The following CFAP74 variants were observed in gnomAD, a reference collection of about 807,000 sequenced individuals.
The protein encoded by CFAP74 is cilia and flagella associated protein 74.
Under a neutral mutation model 188.9 loss-of-function variants are expected in CFAP74, and 124 were observed. The observed-to-expected ratio is 0.66, with a 90% CI of 0.57 to 0.76. CFAP74 has a LOEUF of 0.76. CFAP74 is among the 30% of genes least tolerant of loss of function. CFAP74 has a pLI of 0.00. For synonymous variants in CFAP74, 956 were observed against 916.7 expected (o/e 1.04, Z -0.77); for missense variants, 2,198 against 2,165.2 (o/e 1.02, Z -0.30).
intron 14 of CFAP74, among the ~76,000 whole-genome samples, chr1:1,963,437 A>G (rs1438701494): frequency 4.4e-5 from 6 of 136,624 alleles, no homozygotes; most frequent in Non-Finnish European, 9.3e-5. Context: ...AGCCTGGGCG[A>G]CAGAGCAAGA....
chr1:1,956,588 C>T, intron 17 of CFAP74, 32 bp downstream of exon 17: 1 of 1,612,978 alleles, frequency 6.2e-7, no homozygotes, highest in East Asian at 2.2e-5. Context: ...GGCAGGTCCC[C>T]ACACTCCCCC....
At chr1:1,979,910 T>C (rs13303009) in intron 6 of CFAP74, among the ~76,000 whole-genome samples, 5 of 66,912 alleles carry the variant, frequency 7.5e-5, no homozygotes, top group Non-Finnish European at 1.4e-4. Context: ...CATGGGAAGG[T>C]GTCACGTGAC....
At chr1:1,993,700 C>T (rs1289278300) in intron 1 of CFAP74, among the ~76,000 whole-genome samples, 1 of 1,552 alleles carries the variant, frequency 6.4e-4, no homozygotes. Flanking sequence ...GCTTATAAAT[C>T]AGCAGGGCAC....
chr1:1,932,891 CTT>C (rs1386467993), intron 25 of CFAP74, among the ~76,000 whole-genome samples: 3 of 134,686 alleles, frequency 2.2e-5, no homozygotes, highest in Non-Finnish European at 1.6e-5. Flanking sequence ...TGTGCCCGAC[CTT>C]TTTTTTTTTT....
intron 25 of CFAP74, among the ~76,000 whole-genome samples, chr1:1,935,700 TAAC>T (rs1652843839): frequency 6.6e-6 from 1 of 151,976 alleles, no homozygotes; most frequent in South Asian, 2.1e-4. Flanking sequence ...TTTGTTTCTG[TAAC>T]AACAAAGAGA....
At chr1:1,988,106 G>A (rs771892800) in intron 4 of CFAP74, 9 of 472,696 alleles carry the variant, frequency 1.9e-5, no homozygotes, top group Middle Eastern at 3.2e-4. Context: ...ACCACTCTCC[G>A]CTGAATGTTT....
intron 18 of CFAP74, among the ~76,000 whole-genome samples, chr1:1,949,138 TCCCTC>T (rs1654045845): frequency 5.2e-5 from 1 of 19,340 alleles, no homozygotes; most frequent in African/African-American, 2.0e-4. Context: ...CCTCCCTCCC[TCCCTC>T]CCTTCCTTCC....
rs1214190743 is a variant in CFAP74 at position 1,932,066 on chromosome 1, C to CAAAA, written c.3012-1734_3012-1731dup. Among the ~76,000 whole-genome samples the CAAAA allele has an allele frequency of 3.0e-3, 147 of 49,316 alleles. 3 individuals are homozygous for CAAAA. Among genetic ancestry groups the CAAAA allele is most frequent in the African/African-American group, 0.012 (133 of 10,996 alleles). 32.4% of individuals were successfully genotyped at this position (49,316 alleles called of 152,430 possible). A position where few individuals can be genotyped will look rare whatever the true frequency, so the allele number is the denominator to read the frequency against. On this transcript the variant is annotated intron_variant, in intron 25 of 38. Coordinates refer to ENST00000682832, the MANE Select transcript of CFAP74 (RefSeq NM_001304360.2). The stretch of plus-strand genomic sequence containing the variant: ...GGGTGACAGAGTGAGACTCTCGCCT[C>CAAAA]AAAAAAAAAAAAACAAAAAACAAAA...
At chr1:1,989,522 G>A (rs546300640) in intron 2 of CFAP74, among the ~76,000 whole-genome samples, 12 of 152,280 alleles carry the variant, frequency 7.9e-5, no homozygotes, top group East Asian at 3.9e-4. Context: ...GTGCGGTGGC[G>A]TGATCTTGGC....
At position 1,968,912 on chromosome 1, in the gene CFAP74, C is replaced by A; in HGVS notation, c.1047-79G>T. The A allele has an allele frequency of 7.2e-7, 1 of 1,393,544 alleles. No individual in the cohort carries two copies. Among genetic ancestry groups the A allele is most frequent in the Admixed American group, 1.8e-5 (1 of 55,354 alleles). 86.3% of individuals were successfully genotyped at this position (1,393,544 alleles called of 1,614,324 possible). On this transcript the variant is annotated intron_variant, in intron 10 of 38. Transcript: ENST00000682832. This position sits in a 1 kb window ranked among gnomAD's most constrained non-coding sequence, Gnocchi z 4.3. Reference sequence around the variant, plus strand: ...CCCCAGATGAGACAGTGCCCGGCGGCCCCTCCCTAGCGCCCTCCTGGGGGC... The same window carrying A: ...CCCCAGATGAGACAGTGCCCGGCGGACCCTCCCTAGCGCCCTCCTGGGGGC...
intron 27 of CFAP74, 70 bp from the exon 28 acceptor site, chr1:1,927,816 C>A: frequency 6.7e-7 from 1 of 1,487,488 alleles, no homozygotes; most frequent in Non-Finnish European, 9.0e-7. Context: ...CCCGTGGCTC[C>A]TCTGCGGCCA....
rs1655679839 is a variant in CFAP74 at position 1,968,922 on chromosome 1, GCGCCCTCC to G, written c.1047-97_1047-90del. On this transcript the variant is annotated intron_variant, in intron 10 of 38. Transcript: ENST00000682832. The surrounding 1 kb of genome is among the most constrained non-coding windows in gnomAD (Gnocchi z 4.3). ...GACAGTGCCCGGCGGCCCCTCCCTA[GCGCCCTCC>G]TGGGGGCTCCGGTCCTGCCCAGCAG... 18 of 1,239,890 alleles carry G rather than the reference GCGCCCTCC, an allele frequency of 1.5e-5. No homozygotes were observed. The highest frequency in any genetic ancestry group is 4.0e-5 in the South Asian group (3 of 75,636). 76.8% of individuals were successfully genotyped at this position (1,239,890 alleles called of 1,614,324 possible).
In CFAP74 at chr1:1,975,052, G is replaced by T. The variant is rs553378464; in HGVS notation, c.501-854C>A. On this transcript the variant is annotated intron_variant, in intron 6 of 38. Coordinates refer to ENST00000682832, the MANE Select transcript of CFAP74 (RefSeq NM_001304360.2). The surrounding 1 kb of genome is among the most constrained non-coding windows in gnomAD (Gnocchi z 4.5). ...ATCAGAACCCTGGACAAGGTCAGAC[G>T]CAGGCGTTGAGCCGGCATCCTCACT... is the stretch of plus-strand genomic sequence containing the variant. Among the ~76,000 whole-genome samples, 31 of 152,338 alleles carry T rather than the reference G, an allele frequency of 2.0e-4. No homozygotes were observed. Among genetic ancestry groups the T allele is most frequent in the African/African-American group, 7.0e-4 (29 of 41,582 alleles).
At chr1:1,963,588 C>CCTTG (rs1448770230) in intron 14 of CFAP74, among the ~76,000 whole-genome samples, 161 bp downstream of exon 14, 2 of 151,426 alleles carry the variant, frequency 1.3e-5, no homozygotes, top group Non-Finnish European at 1.5e-5. Context: ...GACTTTGACA[C>CCTTG]AAGAAGACAG....
chr1:1,968,916 T>G lies in CFAP74; in HGVS notation c.1047-83A>C. The stretch of plus-strand genomic sequence containing the variant: ...AGATGAGACAGTGCCCGGCGGCCCC[T>G]CCCTAGCGCCCTCCTGGGGGCTCCG... On this transcript the variant is annotated intron_variant, in intron 10 of 38. Coordinates refer to ENST00000682832, the MANE Select transcript of CFAP74 (RefSeq NM_001304360.2). The surrounding 1 kb of genome is among the most constrained non-coding windows in gnomAD (Gnocchi z 4.3). 1 of 1,314,210 alleles carries G rather than the reference T, an allele frequency of 7.6e-7. No individual in the cohort carries two copies. The allele number at this position is 1,314,210 out of a possible 1,614,324, so 81.4% of individuals were successfully genotyped here.
chr1:1,976,803 A>G (rs188449750), intron 6 of CFAP74, among the ~76,000 whole-genome samples: 3,622 of 151,482 alleles, frequency 0.024, 58 homozygotes, highest in Non-Finnish European at 0.037. Flanking sequence ...TTGGCCTCCC[A>G]AAGTGCTGGG....
At chr1:1,992,478 T>C (rs1222327269) in intron 1 of CFAP74, among the ~76,000 whole-genome samples, 1 of 131,464 alleles carries the variant, frequency 7.6e-6, no homozygotes, top group Non-Finnish European at 1.6e-5. Flanking sequence ...CCAAAAACAA[T>C]TTTTTTTTTT....
chr1:1,932,081 AAAAAAC>A (rs1435454625), intron 25 of CFAP74, among the ~76,000 whole-genome samples: 38,213 of 102,236 alleles, frequency 0.37, 7,597 homozygotes, highest in East Asian at 0.47. Flanking sequence ...AAAAAAAAAC[AAAAAAC>A]AAAAAACAAA....
In CFAP74 at chr1:1,973,454, G is replaced by A. The variant is rs1047780699; in HGVS notation, c.675-407C>T. ...GAAGGGAAGGAATGAGATGGGGGAG[G>A]GGATGGAGGCCAGAAGGGGGTCCCG... On this transcript the variant is annotated intron_variant, in intron 7 of 38. Transcript: ENST00000682832. This position sits in a 1 kb window ranked among gnomAD's most constrained non-coding sequence, Gnocchi z 6.2. 2.0e-5 allele frequency among the ~76,000 whole-genome samples: 3 copies of A among 152,136 alleles called. No individual in the cohort carries two copies. The South Asian group carries it at 6.2e-4, about 32-fold the overall frequency.
Sources: allele counts gnomAD v4.1 joint callset (sites outside exome capture counted in the v4.1 genomes callset), GRCh38; gene constraint gnomAD v4.1.1; non-coding constraint Gnocchi (gnomAD v3.1); transcripts MANE v1.5; gene names NCBI Gene and HGNC (gene_info 2026-07-23, HGNC 2026-07-21).